The following AKAP9 variants were observed in gnomAD, a reference collection of about 807,000 sequenced individuals.
AKAP9 encodes A-kinase anchor protein 9.
AKAP9 carries 311 observed loss-of-function variants against 488.5 expected under a neutral mutation model. The ratio of observed to expected loss-of-function variants is 0.64; its 90% CI spans 0.58 to 0.70. The LOEUF (loss-of-function observed/expected upper bound fraction) is 0.70. AKAP9 is among the 30% of genes least tolerant of loss of function. The probability of loss-of-function intolerance (pLI) is 0.00; values close to 1 mark genes in which losing one functional copy is unlikely to be tolerated. For missense variants in AKAP9, 4,215 were observed against 4,374.5 expected (o/e 0.96, Z 1.03); for synonymous variants, 1,462 against 1,483.5 (o/e 0.99, Z 0.33).
chr7:92,050,963 C>T (rs1288642906), intron 21 of AKAP9, among the ~76,000 whole-genome samples: 2 of 152,186 alleles, frequency 1.3e-5, no homozygotes, highest in African/African-American at 2.4e-5. Context: ...ATTGTCTTCT[C>T]CAACCTGTGC....
intron 37 of AKAP9, among the ~76,000 whole-genome samples, chr7:92,087,395 A>G (rs779005313): frequency 1.3e-5 from 2 of 152,238 alleles, no homozygotes; most frequent in Non-Finnish European, 2.9e-5. Flanking sequence ...TACCTGAGAT[A>G]TAAAAATAAT....
intron 2 of AKAP9, among the ~76,000 whole-genome samples, chr7:91,979,807 G>T (rs1053686236): frequency 1.3e-5 from 2 of 152,216 alleles, no homozygotes; most frequent in Admixed American, 6.5e-5. Flanking sequence ...TCATGTCCTG[G>T]ATGGGACAGA....
chr7:92,016,306 C>A (rs1219585014), intron 11 of AKAP9, 39 bp downstream of exon 11: 4 of 1,347,918 alleles, frequency 3.0e-6, no homozygotes, highest in Non-Finnish European at 4.1e-6. Context: ...AGTATTTAAT[C>A]CTCTTAAATT....
At chr7:92,097,962 A>G (rs575517597) in intron 42 of AKAP9, 147 bp from the exon 43 acceptor site, 6 of 857,796 alleles carry the variant, frequency 7.0e-6, no homozygotes, top group Non-Finnish European at 1.1e-5. Context: ...GAAAACAACT[A>G]TCTAACACTT....
At chr7:91,973,636 C>A in intron 1 of AKAP9, 75 bp from the exon 2 acceptor site, 1 of 1,498,852 alleles carries the variant, frequency 6.7e-7, no homozygotes, top group Admixed American at 2.0e-5. Context: ...AGAGAGACTC[C>A]CAAAGCTGCT....
intron 1 of AKAP9, among the ~76,000 whole-genome samples, chr7:91,950,612 A>G (rs1562884084): frequency 6.6e-6 from 1 of 152,182 alleles, no homozygotes. Flanking sequence ...AATTATAACT[A>G]AAATAGTAGT....
chr7:91,996,702 A>G (rs575060381), intron 7 of AKAP9, among the ~76,000 whole-genome samples: 9 of 152,334 alleles, frequency 5.9e-5, no homozygotes, highest in Admixed American at 5.2e-4. Context: ...ACTCACAAAT[A>G]TGGAATCTAC....
intron 8 of AKAP9, among the ~76,000 whole-genome samples, chr7:92,008,135 C>T (rs572305417): frequency 7.9e-5 from 12 of 151,980 alleles, no homozygotes; most frequent in Non-Finnish European, 1.5e-4. Context: ...TTTGGGAGGC[C>T]GAGGTGGACA....
Position 91,994,767 on chromosome 7 carries a change from A to G in AKAP9, c.723A>G (p.Gln241=), listed in dbSNP as rs748229690. 8.1e-6 allele frequency: 13 copies of G among 1,610,952 alleles called. No individual in the cohort carries two copies. The highest frequency in any genetic ancestry group is 1.0e-5 in the Non-Finnish European group (12 of 1,178,712). Residue 241 remains glutamine, a synonymous_variant, in exon 6 of 50, where the codon CAA becomes CAG. Transcript: ENST00000356239. ...LTEQSQKLQI[Q]FQQLQASETL... ...AACAGAGTCAAAAATTACAGATTCA[A>G]TTTCAGCAAGTAAGTATTACTAATG...
chr7:91,956,029 A>G (rs1792946238), intron 1 of AKAP9, among the ~76,000 whole-genome samples: 1 of 152,168 alleles, frequency 6.6e-6, no homozygotes, highest in Non-Finnish European at 1.5e-5. Flanking sequence ...TTTCCTCATC[A>G]ATAAACACAA....
intron 8 of AKAP9, among the ~76,000 whole-genome samples, chr7:92,003,801 TA>T (rs1799469996): frequency 6.6e-6 from 1 of 152,120 alleles, no homozygotes; most frequent in African/African-American, 2.4e-5. Flanking sequence ...TAAATATAGT[TA>T]AAGAATTATA....
At chr7:91,963,394 A>G (rs752509163) in intron 1 of AKAP9, among the ~76,000 whole-genome samples, 10 of 151,950 alleles carry the variant, frequency 6.6e-5, no homozygotes, top group Admixed American at 3.9e-4. Context: ...GTCTTTATTA[A>G]GTAAATAGTA....
At chr7:92,010,241 C>T (rs893996003) in intron 8 of AKAP9, among the ~76,000 whole-genome samples, 2 of 152,146 alleles carry the variant, frequency 1.3e-5, no homozygotes, top group Non-Finnish European at 2.9e-5. Flanking sequence ...GCTGAATTCT[C>T]TTAAAAGCTT....
chr7:92,022,721 AAAG>A (rs1340442179), intron 13 of AKAP9, 90 bp from the exon 14 acceptor site: 13 of 877,570 alleles, frequency 1.5e-5, no homozygotes, highest in Non-Finnish European at 2.3e-5. Context: ...CTTTTTCAAA[AAAG>A]AATTAATATT....
chr7:92,055,143 A>G (rs1808564686), intron 22 of AKAP9, among the ~76,000 whole-genome samples: 1 of 152,024 alleles, frequency 6.6e-6, no homozygotes, highest in Admixed American at 6.6e-5. Context: ...CCATGGAATT[A>G]TTTTTACTGT....
intron 38 of AKAP9, among the ~76,000 whole-genome samples, chr7:92,091,210 G>C (rs1449885037): frequency 6.6e-6 from 1 of 152,160 alleles, no homozygotes; most frequent in Admixed American, 6.5e-5. Flanking sequence ...TGTGTGTTCA[G>C]TAATTTTGTG....
At chr7:92,084,108 A>G (rs980639165) in intron 33 of AKAP9, among the ~76,000 whole-genome samples, 4 of 152,240 alleles carry the variant, frequency 2.6e-5, no homozygotes, top group Non-Finnish European at 5.9e-5. Flanking sequence ...TAGTCCGCTG[A>G]GAATGATGGT....
chr7:92,052,795 A>C lies in AKAP9; in HGVS notation c.5438A>C (p.Lys1813Thr). The C allele has an allele frequency of 6.2e-7, 1 of 1,613,866 alleles. No individual in the cohort carries two copies. The highest frequency in any genetic ancestry group is 1.3e-5 in the African/African-American group (1 of 75,018). ...MPRNDINMWSKVTEEGTELSQ... is the reference protein window; with the variant it reads ...MPRNDINMWSTVTEEGTELSQ... ...AGAAATGACATTAACATGTGGTCAA[A>C]AGTAACTGAGGAAGGAACAGAGCTG... Residue 1813 changes from lysine to threonine, a missense_variant, in exon 22 of 50, where the codon AAA becomes ACA. This residue lies in a region of AKAP9 where 2,361 missense variants were observed against 2,430.0 expected (regional missense o/e 0.97). Transcript: ENST00000356239.
At chr7:92,075,895 T>C (rs2130854000) in intron 28 of AKAP9, among the ~76,000 whole-genome samples, 1 of 152,320 alleles carries the variant, frequency 6.6e-6, no homozygotes, top group African/African-American at 2.4e-5. Context: ...ATTCCCTCTT[T>C]CAGTTTCTAA....
Sources: allele counts gnomAD v4.1 joint callset (sites outside exome capture counted in the v4.1 genomes callset), GRCh38; gene constraint gnomAD v4.1.1; regional missense constraint gnomAD v4.1.1; transcripts MANE v1.5; gene names NCBI Gene and HGNC (gene_info 2026-07-23, HGNC 2026-07-21).